SCHIP1: variants seen among roughly 807,000 people sequenced by gnomAD.
The protein encoded by SCHIP1 is schwannomin-interacting protein 1.
Under a neutral mutation model 29.7 loss-of-function variants are expected in SCHIP1, and 8 were observed. That is an observed-to-expected ratio of 0.27 (90% CI 0.16 to 0.49). SCHIP1 has a LOEUF of 0.49. SCHIP1 is among the 20% of genes least tolerant of loss of function. SCHIP1 has a pLI of 0.99. For missense variants in SCHIP1, 193 were observed against 294.6 expected (o/e 0.66, Z 2.52); for synonymous variants, 76 against 94.9 (o/e 0.80, Z 1.16).
At chr3:159,395,107 G>C in the SCHIP1 span, among the ~76,000 whole-genome samples, 253 of 152,264 alleles carry the variant, frequency 1.7e-3, 2 homozygotes, top group Admixed American at 0.013. Context: ...TTGCATAGAG[G>C]TGTTTGTTTG....
chr3:159,613,141 A>T, the SCHIP1 span, among the ~76,000 whole-genome samples: 1 of 152,220 alleles, frequency 6.6e-6, no homozygotes, highest in African/African-American at 2.4e-5. Flanking sequence ...TCTGATAAAT[A>T]ACAAAAAAAT....
the SCHIP1 span, among the ~76,000 whole-genome samples, chr3:159,508,278 C>T: frequency 1.3e-5 from 2 of 152,018 alleles, no homozygotes; most frequent in Non-Finnish European, 2.9e-5. Context: ...TATTCTCTGA[C>T]AGTAGTTTGT....
At chr3:159,412,094 C>A in the SCHIP1 span, among the ~76,000 whole-genome samples, 1 of 152,158 alleles carries the variant, frequency 6.6e-6, no homozygotes, top group Non-Finnish European at 1.5e-5. Context: ...AACAAACCAA[C>A]AAAGTAGTTA....
chr3:159,773,485 C>A, the SCHIP1 span, among the ~76,000 whole-genome samples: 1 of 152,056 alleles, frequency 6.6e-6, no homozygotes, highest in African/African-American at 2.4e-5. Flanking sequence ...ACCTGTGCCC[C>A]CACTTCAGTG....
At chr3:159,793,352 G>T in the SCHIP1 span, among the ~76,000 whole-genome samples, 1 of 152,034 alleles carries the variant, frequency 6.6e-6, no homozygotes, top group Non-Finnish European at 1.5e-5. Flanking sequence ...TTTGTGCTTG[G>T]TTCTTTCTCT....
At chr3:159,883,272 C>G (rs1716629075) in intron 2 of SCHIP1, among the ~76,000 whole-genome samples, 2 of 152,190 alleles carry the variant, frequency 1.3e-5, no homozygotes, top group African/African-American at 2.4e-5. Flanking sequence ...TCACCTCAGA[C>G]TGTGCTTGAG....
At chr3:159,366,024 G>A in the SCHIP1 span, among the ~76,000 whole-genome samples, 2 of 152,160 alleles carry the variant, frequency 1.3e-5, no homozygotes. Context: ...TGTTTATAAA[G>A]GAGAGAAGTT....
At chr3:159,820,785 C>G in the SCHIP1 span, among the ~76,000 whole-genome samples, 1 of 152,096 alleles carries the variant, frequency 6.6e-6, no homozygotes, top group Non-Finnish European at 1.5e-5. Flanking sequence ...GCTAGAGGTA[C>G]AAGTGACTAG....
At chr3:159,388,910 G>A in the SCHIP1 span, among the ~76,000 whole-genome samples, 2 of 151,948 alleles carry the variant, frequency 1.3e-5, no homozygotes, top group South Asian at 4.1e-4. Context: ...ATAAATTCCA[G>A]ATGGCCTAAC....
At chr3:159,502,687 C>G in the SCHIP1 span, among the ~76,000 whole-genome samples, 10 of 151,108 alleles carry the variant, frequency 6.6e-5, no homozygotes, top group African/African-American at 2.4e-4. Context: ...TGTTCCCCTT[C>G]CTGTGTCCAT....
the SCHIP1 span, among the ~76,000 whole-genome samples, chr3:159,291,535 A>G: frequency 4.1e-4 from 62 of 152,260 alleles, no homozygotes; most frequent in African/African-American, 1.3e-3. Flanking sequence ...ATCTAAGACA[A>G]TCATGAATGG....
the SCHIP1 span, among the ~76,000 whole-genome samples, chr3:159,829,591 G>A: frequency 2.0e-5 from 3 of 152,036 alleles, no homozygotes; most frequent in Non-Finnish European, 4.4e-5. Context: ...CCAATTTTTC[G>A]ACGTCAGCAT....
the SCHIP1 span, among the ~76,000 whole-genome samples, chr3:159,404,669 C>T: frequency 6.6e-6 from 1 of 152,204 alleles, no homozygotes; most frequent in African/African-American, 2.4e-5. Flanking sequence ...GGCCCTAGCT[C>T]CCAGACAGCA....
At chr3:159,358,138 A>G in the SCHIP1 span, among the ~76,000 whole-genome samples, 1 of 152,254 alleles carries the variant, frequency 6.6e-6, no homozygotes, top group Non-Finnish European at 1.5e-5. Flanking sequence ...AATGGCTGTC[A>G]TGGAAGCAAA....
the SCHIP1 span, chr3:159,765,251 C>A: frequency 7.8e-7 from 1 of 1,274,940 alleles, no homozygotes; most frequent in South Asian, 1.5e-5. Flanking sequence ...TTCATTCTTC[C>A]TCGAGGGTGG....
chr3:159,422,522 CCCA>C, the SCHIP1 span, among the ~76,000 whole-genome samples: 39 of 152,198 alleles, frequency 2.6e-4, no homozygotes, highest in South Asian at 8.1e-3. Context: ...TCAGTGAATT[CCCA>C]CAACCTGAAT....
the SCHIP1 span, among the ~76,000 whole-genome samples, chr3:159,327,333 A>C: frequency 6.6e-6 from 1 of 152,158 alleles, no homozygotes; most frequent in African/African-American, 2.4e-5. Context: ...GGCAAGAGGG[A>C]ATCTTTAGCA....
chr3:159,673,982 T>C, the SCHIP1 span, among the ~76,000 whole-genome samples: 1 of 152,202 alleles, frequency 6.6e-6, no homozygotes, highest in African/African-American at 2.4e-5. Flanking sequence ...GTACCCCCTG[T>C]TATGAAAGTG....
chr3:159,867,977 A>ATATATATATATATAAATCAATGATT (rs1223231983), intron 2 of SCHIP1, among the ~76,000 whole-genome samples: 44 of 146,866 alleles, frequency 3.0e-4, no homozygotes, highest in Non-Finnish European at 3.6e-4. Context: ...TCAGTGATTT[A>ATATATATATATATAAATCAATGATT]TATATATATA....
Sources: allele counts gnomAD v4.1 joint callset (sites outside exome capture counted in the v4.1 genomes callset), GRCh38; gene constraint gnomAD v4.1.1; transcripts MANE v1.5; gene names NCBI Gene and HGNC (gene_info 2026-07-23, HGNC 2026-07-21).